Variants in ALPK2 observed in about 807,000 individuals in gnomAD.
ALPK2 encodes alpha kinase 2, also known as alpha-protein kinase 2.
Under a neutral mutation model 163.1 loss-of-function variants are expected in ALPK2, and 127 were observed. The observed-to-expected ratio is 0.78, with a 90% confidence interval of 0.67 to 0.90. The LOEUF (loss-of-function observed/expected upper bound fraction) is 0.90. Among genes scored for constraint, ALPK2 ranks in the 40% least tolerant of loss-of-function variants. The probability of loss-of-function intolerance (pLI) is 0.00; values close to 1 mark genes in which losing one functional copy is unlikely to be tolerated. For missense variants in ALPK2, 2,360 were observed against 2,589.6 expected (o/e 0.91, Z 1.92); for synonymous variants, 953 against 959.1 (o/e 0.99, Z 0.12).
intron 9 of ALPK2, among the ~76,000 whole-genome samples, chr18:58,516,085 G>A (rs912425049): frequency 3.3e-5 from 5 of 152,138 alleles, no homozygotes; most frequent in African/African-American, 1.2e-4. Flanking sequence ...TGGGCGTGAT[G>A]GCATGCGCCT....
chr18:58,619,139 A>G (rs1458718534), intron 1 of ALPK2, among the ~76,000 whole-genome samples: 1 of 152,330 alleles, frequency 6.6e-6, no homozygotes, highest in South Asian at 2.1e-4. Flanking sequence ...TGTAAATTGC[A>G]TGGGGAGGAA....
intron 3 of ALPK2, among the ~76,000 whole-genome samples, chr18:58,590,152 G>A (rs1039413628): frequency 4.6e-5 from 7 of 151,306 alleles, no homozygotes; most frequent in Non-Finnish European, 5.9e-5. Context: ...ACCCAGGGGC[G>A]GAGATTGCAG....
chr18:58,525,824 G>A (rs1009463518), intron 6 of ALPK2, among the ~76,000 whole-genome samples: 4 of 152,148 alleles, frequency 2.6e-5, no homozygotes, highest in East Asian at 1.9e-4. Context: ...ACTTCGTGGT[G>A]AGCAGTAGTA....
intron 6 of ALPK2, among the ~76,000 whole-genome samples, chr18:58,527,877 A>C (rs1173213181): frequency 3.9e-5 from 6 of 152,236 alleles, no homozygotes; most frequent in Non-Finnish European, 7.3e-5. Context: ...CCATGATTAC[A>C]TTTGAGAAAT....
At chr18:58,596,511 G>A (rs1427420589) in intron 3 of ALPK2, among the ~76,000 whole-genome samples, 1 of 152,212 alleles carries the variant, frequency 6.6e-6, no homozygotes, top group Non-Finnish European at 1.5e-5. Flanking sequence ...CAGGGAATGG[G>A]AAGTGACAAG....
At chr18:58,621,595 G>C (rs2052200676) in intron 1 of ALPK2, among the ~76,000 whole-genome samples, 1 of 113,118 alleles carries the variant, frequency 8.8e-6, no homozygotes, top group Non-Finnish European at 2.3e-5. Context: ...TATGGGCAAA[G>C]AAGAAGGAGG....
intron 3 of ALPK2, among the ~76,000 whole-genome samples, chr18:58,597,036 C>G (rs570990188): frequency 6.6e-6 from 1 of 152,226 alleles, no homozygotes; most frequent in East Asian, 1.9e-4. Context: ...GCCTGTAATC[C>G]CAGCACTTTG....
At chr18:58,620,290 C>G (rs1405912044) in intron 1 of ALPK2, among the ~76,000 whole-genome samples, 1 of 151,920 alleles carries the variant, frequency 6.6e-6, no homozygotes, top group Non-Finnish European at 1.5e-5. Flanking sequence ...AGCTCCTTCT[C>G]AAAACAAAAA....
At position 58,537,264 on chromosome 18, in the gene ALPK2, G is replaced by A. The variant is rs1247940185; in HGVS notation, c.2923C>T (p.Pro975Ser). The A allele has an allele frequency of 6.2e-7, 1 of 1,614,162 alleles. No individual in the cohort carries two copies. The highest frequency in any genetic ancestry group is 1.3e-5 in the African/African-American group (1 of 75,040). Residue 975 changes from proline (P) to serine (S), a missense_variant, in exon 5 of 13, where the codon CCA becomes TCA. Transcript: ENST00000361673. ...SPSAADTTAT[P>S]ASYSSIVSFP... ...CTCACAATTGAACTATAACTGGCTG[G>A]TGTGGCTGTGGTGTCTGCGGCACTA...
In ALPK2 at chr18:58,562,579, C is replaced by A. The variant is rs563548577; in HGVS notation, c.1962+16235G>T. On this transcript the variant is annotated intron_variant, in intron 4 of 12. Transcript: ENST00000361673. Reference sequence around the variant, plus strand: ...GAAGCTATTTTTGACTACAGGGATGCCCTTTAGTGGTTCACTACATTTATG... The same window carrying A: ...GAAGCTATTTTTGACTACAGGGATGACCTTTAGTGGTTCACTACATTTATG... 2.2e-4 allele frequency among the ~76,000 whole-genome samples: 34 copies of A among 152,320 alleles called. No homozygotes were observed. In the East Asian group the frequency reaches 5.8e-3, roughly 26 times the overall value.
chr18:58,505,028 G>A (rs1241260941), intron 10 of ALPK2, among the ~76,000 whole-genome samples: 1 of 152,120 alleles, frequency 6.6e-6, no homozygotes, highest in Admixed American at 6.5e-5. Flanking sequence ...GGGGGACCTG[G>A]GAGACCATTT....
chr18:58,605,338 C>T (rs1177822586), intron 3 of ALPK2, among the ~76,000 whole-genome samples: 1 of 152,078 alleles, frequency 6.6e-6, no homozygotes, highest in Admixed American at 6.5e-5. Context: ...ACTATCTGGC[C>T]CCTTTTAGAA....
intron 6 of ALPK2, among the ~76,000 whole-genome samples, chr18:58,527,755 AG>A (rs1425827413): frequency 1.6e-4 from 25 of 152,366 alleles, no homozygotes; most frequent in Admixed American, 1.5e-3. Flanking sequence ...GCCATACCTA[AG>A]ACAGGCAGGG....
chr18:58,547,511 C>T (rs539393676), intron 4 of ALPK2, among the ~76,000 whole-genome samples: 1 of 152,258 alleles, frequency 6.6e-6, no homozygotes, highest in South Asian at 2.1e-4. Flanking sequence ...ACTGTGTTGG[C>T]GTATAGACCC....
chr18:58,484,672 A>G (rs1362151957), intron 12 of ALPK2, among the ~76,000 whole-genome samples: 4 of 152,204 alleles, frequency 2.6e-5, no homozygotes, highest in Non-Finnish European at 4.4e-5. Flanking sequence ...TGAATCCAGG[A>G]GGCAGAGGTT....
Position 58,580,498 on chromosome 18 carries a change from A to G in ALPK2, c.278T>C (p.Phe93Ser), listed in dbSNP as rs1384351340. The change falls in exon 4 of 13, where the codon TTT becomes TCT. Residue 93 changes from phenylalanine to serine, a missense_variant. By Grantham distance (155) the Phe-to-Ser change is radical. Transcript: ENST00000361673. ...AVYQISAKNS[F>S]GMICCSASVE... The stretch of plus-strand genomic sequence containing the variant: ...GGAAGCAGAACAACAGATCATTCCA[A>G]AAGAGTTTTTAGCCGAGATTTGATA... 1 of 1,613,988 alleles carries G rather than the reference A, an allele frequency of 6.2e-7. No homozygotes were observed. The highest frequency in any genetic ancestry group is 1.3e-5 in the African/African-American group (1 of 74,910).
rs1033271315 is a variant in ALPK2, at chr18:58,481,626, G to T, written c.*197C>A. ...TTGATTCAATCTCCCCATAAACCTG[G>T]TCGCAAATCCTGTTCTGAAATCATT... On this transcript the variant is annotated 3_prime_UTR_variant, in exon 13 of 13. Transcript: ENST00000361673. 1 of 597,970 alleles carries T rather than the reference G, an allele frequency of 1.7e-6. No homozygotes were observed. Among genetic ancestry groups the T allele is most frequent in the Admixed American group, 3.0e-5 (1 of 33,216 alleles). The allele number at this position is 597,970 out of a possible 1,614,324, so 37.0% of individuals were successfully genotyped here.
At chr18:58,544,857 A>C (rs972022231) in intron 4 of ALPK2, among the ~76,000 whole-genome samples, 2 of 152,138 alleles carry the variant, frequency 1.3e-5, no homozygotes, top group Non-Finnish European at 2.9e-5. Flanking sequence ...GCTACCTCCA[A>C]CTAAGAAGGC....
chr18:58,620,956 G>C (rs1407551058), intron 1 of ALPK2, among the ~76,000 whole-genome samples: 1 of 152,166 alleles, frequency 6.6e-6, no homozygotes, highest in South Asian at 2.1e-4. Context: ...AGGAGTTCAA[G>C]ATCCACCTGG....
Sources: gnomAD v4.1 joint callset for allele counts (sites outside exome capture counted in the v4.1 genomes callset) on GRCh38, gnomAD v4.1.1 for gene constraint, MANE v1.5 for transcripts, NCBI Gene and HGNC (gene_info 2026-07-23, HGNC 2026-07-21) for gene names.